The following SNCAIP variants were observed in gnomAD, a reference collection of about 807,000 sequenced individuals.
The protein encoded by SNCAIP is synphilin-1.
Under a neutral mutation model 86.7 loss-of-function variants are expected in SNCAIP, and 43 were observed. The observed-to-expected ratio is 0.50, with a 90% CI of 0.39 to 0.64. The LOEUF is 0.64. Ranked by LOEUF, SNCAIP falls within the 30% of genes least tolerant of loss-of-function variation. The pLI is 0.00. For synonymous variants in SNCAIP, 417 were observed against 427.2 expected, an observed-to-expected ratio of 0.98 and a Z score of 0.29; for missense variants, 981 against 1,103.1, an observed-to-expected ratio of 0.89 and a Z score of 1.57.
At chr5:122,444,062 C>G (rs2737096) in intron 7 of SNCAIP, 1 of 456,892 alleles carries the variant, frequency 2.2e-6, no homozygotes, top group East Asian at 6.9e-5. Flanking sequence ...CCTCCCCACT[C>G]TCAGCCATGT....
At position 122,408,258 on chromosome 5, in the gene SNCAIP, C is replaced by T. The variant is rs1013001382; in HGVS notation, c.130+4393C>T. On this transcript the variant is annotated intron_variant, in intron 3 of 10. Transcript: ENST00000261368. ...ACAGTCCCCTGGGTTTCCCACATAT[C>T]TTTTCTGCTTTCCCAAGTAGGGCCG... Among the ~76,000 whole-genome samples the T allele has an allele frequency of 3.9e-5, 6 of 152,194 alleles. No individual in the cohort carries two copies. In the East Asian group the frequency reaches 1.2e-3, roughly 29 times the overall value.
At chr5:122,358,218 T>TA (rs1480258563) in intron 1 of SNCAIP, among the ~76,000 whole-genome samples, 1 of 148,066 alleles carries the variant, frequency 6.8e-6, no homozygotes, top group African/African-American at 2.5e-5. Flanking sequence ...TATATATATA[T>TA]AAAATACTTT....
At chr5:122,395,227 C>A (rs1468049854) in intron 2 of SNCAIP, among the ~76,000 whole-genome samples, 1 of 152,122 alleles carries the variant, frequency 6.6e-6, no homozygotes, top group Non-Finnish European at 1.5e-5. Context: ...ACACCTCAAC[C>A]TATTACCCTA....
intron 1 of SNCAIP, among the ~76,000 whole-genome samples, chr5:122,343,521 T>C (rs1416356180): frequency 2.6e-5 from 4 of 152,248 alleles, no homozygotes; most frequent in Non-Finnish European, 5.9e-5. Flanking sequence ...TATCTTGCTT[T>C]CATGGATCAC....
intron 5 of SNCAIP, among the ~76,000 whole-genome samples, chr5:122,427,142 T>A (rs1329642387): frequency 6.6e-6 from 1 of 152,220 alleles, no homozygotes; most frequent in Non-Finnish European, 1.5e-5. Flanking sequence ...TAATGGTAGA[T>A]TATTTATATA....
At chr5:122,425,275 A>C (rs1777128958) in intron 4 of SNCAIP, 77 bp from the exon 5 acceptor site, 1 of 1,097,494 alleles carries the variant, frequency 9.1e-7, no homozygotes, top group African/African-American at 1.5e-5. Context: ...TCTTCTTTCC[A>C]GTGCCCAGAG....
rs139529401 is a variant in SNCAIP at position 122,459,544 on chromosome 5, AG to A, written c.2755-3944del. 5.0e-3 allele frequency among the ~76,000 whole-genome samples: 768 copies of A among 152,280 alleles called. 7 individuals are homozygous for A. The highest frequency in any genetic ancestry group is 0.018 in the African/African-American group (738 of 41,560). The stretch of plus-strand genomic sequence containing the variant: ...TTGGGACTAGGTAATTGAAGGGTTC[AG>A]GGAGGATTGAATTATCCTGATATTT... On this transcript the variant is annotated intron_variant, in intron 10 of 10. Coordinates refer to ENST00000261368, the MANE Select transcript of SNCAIP (RefSeq NM_005460.4).
At chr5:122,347,581 C>T (rs1758869393) in intron 1 of SNCAIP, among the ~76,000 whole-genome samples, 1 of 151,880 alleles carries the variant, frequency 6.6e-6, no homozygotes, top group South Asian at 2.1e-4. Flanking sequence ...ATTGACACTT[C>T]CACCTATGAG....
intron 1 of SNCAIP, among the ~76,000 whole-genome samples, chr5:122,375,885 A>G (rs1765208472): frequency 6.6e-6 from 1 of 152,132 alleles, no homozygotes; most frequent in African/African-American, 2.4e-5. Context: ...TAACATCTGG[A>G]TAGATGTGGC....
At chr5:122,360,719 C>A (rs1458302501) in intron 1 of SNCAIP, among the ~76,000 whole-genome samples, 1 of 152,136 alleles carries the variant, frequency 6.6e-6, no homozygotes, top group Non-Finnish European at 1.5e-5. Flanking sequence ...TGTTTAGCAT[C>A]ATGAAATTCA....
Position 122,463,558 on chromosome 5 carries a change from A to G in SNCAIP, c.*62A>G. ...AAAGCACATTGCTGAGCCAGAGTCAAAAGAACTCTTCTTGTAAATCACTTT... is the reference window on the plus strand; with the variant it reads ...AAAGCACATTGCTGAGCCAGAGTCAGAAGAACTCTTCTTGTAAATCACTTT... On this transcript the variant is annotated 3_prime_UTR_variant, in exon 11 of 11. Coordinates refer to ENST00000261368, the MANE Select transcript of SNCAIP (RefSeq NM_005460.4). 1.3e-6 allele frequency: 2 copies of G among 1,592,624 alleles called. No homozygotes were observed. The highest frequency in any genetic ancestry group is 1.1e-5 in the South Asian group (1 of 89,016).
Position 122,412,504 on chromosome 5 carries a change from C to G in SNCAIP, c.130+8639C>G, listed in dbSNP as rs142876929. The stretch of plus-strand genomic sequence containing the variant: ...AGACCACCTCTCTCCTCATTTTTCT[C>G]CTAACACTCTGACATCCTCTTAGTC... On this transcript the variant is annotated intron_variant, in intron 3 of 10. Coordinates refer to ENST00000261368, the MANE Select transcript of SNCAIP (RefSeq NM_005460.4). Among the ~76,000 whole-genome samples the G allele has an allele frequency of 7.2e-5, 11 of 152,280 alleles. No individual in the cohort carries two copies. The East Asian group carries it at 2.1e-3, about 29-fold the overall frequency.
chr5:122,359,928 A>G (rs1440746521), intron 1 of SNCAIP, among the ~76,000 whole-genome samples: 1 of 152,192 alleles, frequency 6.6e-6, no homozygotes, highest in Non-Finnish European at 1.5e-5. Flanking sequence ...CTAGCCACAA[A>G]TAATAATGCC....
chr5:122,386,735 C>G lies in SNCAIP; in HGVS notation c.-46-4354C>G, dbSNP rs576961432. 2.1e-3 allele frequency among the ~76,000 whole-genome samples: 318 copies of G among 152,132 alleles called. 3 individuals are homozygous for G. The highest frequency in any genetic ancestry group is 7.2e-3 in the African/African-American group (299 of 41,508). ...TTTCCCTCTCTATCAGTTTTCCTAC[C>G]CAAATTGGGAGAGCTGAACCATTGA... On this transcript the variant is annotated intron_variant, in intron 1 of 10. Transcript: ENST00000261368.
chr5:122,312,555 G>A (rs891364014), intron 1 of SNCAIP: 2 of 152,360 alleles, frequency 1.3e-5, no homozygotes, highest in African/African-American at 4.8e-5. Flanking sequence ...CCCCCGCCTC[G>A]GTTTCCAAAG....
intron 8 of SNCAIP, among the ~76,000 whole-genome samples, chr5:122,448,938 C>T (rs1353475461): frequency 1.3e-5 from 2 of 149,146 alleles, no homozygotes; most frequent in Non-Finnish European, 3.0e-5. Context: ...ATGGCGTGAA[C>T]CCGGGAGGCG....
At chr5:122,411,031 AC>A (rs146166500) in intron 3 of SNCAIP, among the ~76,000 whole-genome samples, 75 of 152,312 alleles carry the variant, frequency 4.9e-4, no homozygotes, top group African/African-American at 1.7e-3. Flanking sequence ...AAGAAAACTT[AC>A]GGGTAAAAAC....
chr5:122,321,143 C>T (rs570198023), intron 1 of SNCAIP: 13 of 152,122 alleles, frequency 8.5e-5, no homozygotes, highest in East Asian at 1.9e-4. Context: ...TTATAGCAGG[C>T]GCGCTTAAAA....
chr5:122,409,246 A>G (rs1313068932), intron 3 of SNCAIP, among the ~76,000 whole-genome samples: 3 of 152,248 alleles, frequency 2.0e-5, no homozygotes, highest in African/African-American at 7.2e-5. Flanking sequence ...AAAATACATT[A>G]TGGTGACATA....
Sources: allele counts gnomAD v4.1 joint callset (sites outside exome capture counted in the v4.1 genomes callset), GRCh38; gene constraint gnomAD v4.1.1; transcripts MANE v1.5; gene names NCBI Gene and HGNC (gene_info 2026-07-23, HGNC 2026-07-21).